Variants in PDE4D observed in about 807,000 individuals in gnomAD.
The protein encoded by PDE4D is 3',5'-cyclic-AMP phosphodiesterase 4D.
Under a neutral mutation model 87.4 loss-of-function variants are expected in PDE4D, and 24 were observed. The ratio of observed to expected loss-of-function variants is 0.27; its 90% CI spans 0.20 to 0.39. The LOEUF is 0.39. Among genes scored for constraint, PDE4D ranks in the 10% least tolerant of loss-of-function variants. The pLI is 1.00. For synonymous variants in PDE4D, 384 were observed against 383.2 expected, an observed-to-expected ratio of 1.00 and a Z score of -0.02; for missense variants, 714 against 1,041.0, an observed-to-expected ratio of 0.69 and a Z score of 4.32.
At chr5:59,190,809 T>G (rs948762366) in intron 3 of PDE4D, among the ~76,000 whole-genome samples, 1 of 151,808 alleles carries the variant, frequency 6.6e-6, no homozygotes, top group Non-Finnish European at 1.5e-5. Context: ...CTATGAAGAG[T>G]GGTGAAACTC....
At chr5:59,001,891 C>G (rs538291755) in intron 6 of PDE4D, among the ~76,000 whole-genome samples, 1 of 152,300 alleles carries the variant, frequency 6.6e-6, no homozygotes, top group South Asian at 2.1e-4. Context: ...TACCATTCAA[C>G]AGGTGTTTCA....
chr5:59,973,563 C>A (rs1761005430), intron 3 of PDE4D, among the ~76,000 whole-genome samples: 1 of 152,116 alleles, frequency 6.6e-6, no homozygotes, highest in South Asian at 2.1e-4. Flanking sequence ...TAGAAACACT[C>A]TCATCTCAGT....
rs79860210 is a variant in PDE4D, at chr5:59,918,698, G to A, written c.272+69790C>T. 2.0e-3 allele frequency among the ~76,000 whole-genome samples: 298 copies of A among 152,294 alleles called. 1 individual carries two copies. The highest frequency in any genetic ancestry group is 5.4e-3 in the African/African-American group (223 of 41,554). On this transcript the variant is annotated intron_variant, in intron 3 of 16. Transcript: ENST00000502484. ...TAAGAGCTAATGTAACCTCTGATACGTAACCTCTGATATAAGTAACAGCCA... is the reference window on the plus strand; with the variant it reads ...TAAGAGCTAATGTAACCTCTGATACATAACCTCTGATATAAGTAACAGCCA...
intron 1 of PDE4D, among the ~76,000 whole-genome samples, chr5:59,231,456 T>C (rs1308430953): frequency 6.6e-6 from 1 of 152,172 alleles, no homozygotes; most frequent in African/African-American, 2.4e-5. Context: ...TTCTGCCAGC[T>C]GGATGCTAAA....
At chr5:59,517,625 C>G (rs552941401) in intron 1 of PDE4D, among the ~76,000 whole-genome samples, 1 of 152,260 alleles carries the variant, frequency 6.6e-6, no homozygotes, top group South Asian at 2.1e-4. Context: ...TTAACAGAGC[C>G]TCATTGAGCT....
intron 5 of PDE4D, among the ~76,000 whole-genome samples, chr5:59,066,984 C>A (rs73093312): frequency 7.5e-6 from 1 of 132,642 alleles, no homozygotes; most frequent in Non-Finnish European, 1.6e-5. Context: ...CCACCCAGCT[C>A]GTGATTTATT....
At chr5:60,182,973 T>C (rs1447324100) in intron 2 of PDE4D, among the ~76,000 whole-genome samples, 1 of 151,794 alleles carries the variant, frequency 6.6e-6, no homozygotes, top group Non-Finnish European at 1.5e-5. Flanking sequence ...ACCCCCAATG[T>C]GATGGTTTTT....
intron 5 of PDE4D, among the ~76,000 whole-genome samples, chr5:59,136,535 C>G (rs1248144853): frequency 6.6e-6 from 1 of 152,104 alleles, no homozygotes; most frequent in Non-Finnish European, 1.5e-5. Flanking sequence ...TAATGCAATA[C>G]TATGTGTCAA....
chr5:59,712,362 T>C (rs72751228), intron 1 of PDE4D, among the ~76,000 whole-genome samples: 6,560 of 145,630 alleles, frequency 0.045, 170 homozygotes, highest in South Asian at 0.061. Flanking sequence ...AACTACATTA[T>C]ACAAATATAA....
intron 1 of PDE4D, among the ~76,000 whole-genome samples, chr5:60,193,812 C>T (rs1740863656): frequency 6.6e-6 from 1 of 151,362 alleles, no homozygotes; most frequent in Non-Finnish European, 1.5e-5. Context: ...GCTTTGTACC[C>T]TTTCAACTAT....
At chr5:60,476,569 C>T (rs1748342351) in intron 1 of PDE4D, among the ~76,000 whole-genome samples, 1 of 152,210 alleles carries the variant, frequency 6.6e-6, no homozygotes, top group Admixed American at 6.5e-5. Context: ...ATGTAACGAG[C>T]TTACTGTTGT....
chr5:60,311,844 T>G (rs549885001), intron 1 of PDE4D, among the ~76,000 whole-genome samples: 1 of 152,232 alleles, frequency 6.6e-6, no homozygotes, highest in African/African-American at 2.4e-5. Context: ...GTGACACTCA[T>G]AGGCTCAAAG....
At chr5:59,165,870 T>C (rs905486412) in intron 5 of PDE4D, among the ~76,000 whole-genome samples, 3 of 152,148 alleles carry the variant, frequency 2.0e-5, no homozygotes, top group Admixed American at 6.6e-5. Flanking sequence ...TCACTGCTGT[T>C]TGACTCTTGA....
chr5:59,685,925 A>G (rs944027326), intron 1 of PDE4D, among the ~76,000 whole-genome samples: 1 of 152,168 alleles, frequency 6.6e-6, no homozygotes. Flanking sequence ...CAGAGTTTCA[A>G]AAATGGTGAT....
At chr5:59,707,642 C>T (rs55930874) in intron 1 of PDE4D, among the ~76,000 whole-genome samples, 10,099 of 152,164 alleles carry the variant, frequency 0.066, 1,042 homozygotes, top group African/African-American at 0.22. Flanking sequence ...GCATTAGCTA[C>T]TTTTCCTAAT....
chr5:59,865,710 T>C (rs1379896349), intron 1 of PDE4D, among the ~76,000 whole-genome samples: 1 of 152,240 alleles, frequency 6.6e-6, no homozygotes, highest in East Asian at 1.9e-4. Flanking sequence ...ATAGTGGTCA[T>C]TTACTATAGT....
chr5:59,019,640 C>T (rs560418611), intron 6 of PDE4D, among the ~76,000 whole-genome samples: 12 of 152,254 alleles, frequency 7.9e-5, no homozygotes, highest in African/African-American at 2.6e-4. Flanking sequence ...CTTATCCAGC[C>T]CCTGGAATAC....
At position 59,791,456 on chromosome 5, in the gene PDE4D, T is replaced by G. The variant is rs549683690; in HGVS notation, c.455+101712A>C. On this transcript the variant is annotated intron_variant, in intron 1 of 14. Coordinates refer to ENST00000340635, the MANE Select transcript of PDE4D (RefSeq NM_001104631.2). Reference sequence around the variant, plus strand: ...TCTTTAACCTCATGATTCTGTGTTTTAGAATGAAGACATTGTGCTGCTAAC... The same window carrying G: ...TCTTTAACCTCATGATTCTGTGTTTGAGAATGAAGACATTGTGCTGCTAAC... Among the ~76,000 whole-genome samples the G allele has an allele frequency of 3.3e-5, 5 of 152,322 alleles. No homozygotes were observed. In the South Asian group the frequency reaches 6.2e-4, roughly 19 times the overall value.
At chr5:59,918,278 C>T (rs1754292862) in intron 3 of PDE4D, among the ~76,000 whole-genome samples, 1 of 151,958 alleles carries the variant, frequency 6.6e-6, no homozygotes, top group Non-Finnish European at 1.5e-5. Flanking sequence ...AAAGAGGCAC[C>T]TGTTTGTGCA....
Sources: allele counts gnomAD v4.1 joint callset (sites outside exome capture counted in the v4.1 genomes callset), GRCh38; gene constraint gnomAD v4.1.1; transcripts MANE v1.5; gene names NCBI Gene and HGNC (gene_info 2026-07-23, HGNC 2026-07-21).